The following SCAMP1 variants were observed in gnomAD, a reference collection of about 807,000 sequenced individuals.
SCAMP1 encodes secretory carrier membrane protein 1.
SCAMP1 carries 15 observed loss-of-function variants against 41.8 expected under a neutral mutation model. That is an observed-to-expected ratio of 0.36 (90% CI 0.24 to 0.55). The LOEUF (loss-of-function observed/expected upper bound fraction) is 0.55. SCAMP1 is among the 20% of genes least tolerant of loss of function. The pLI, the probability that SCAMP1 is intolerant of heterozygous loss-of-function variation, is 0.86. For missense variants in SCAMP1, 341 were observed against 412.6 expected, an observed-to-expected ratio of 0.83 and a Z score of 1.50; for synonymous variants, 135 against 136.8, an observed-to-expected ratio of 0.99 and a Z score of 0.09.
In SCAMP1 at chr5:78,418,821, A is replaced by G; in HGVS notation, c.390A>G (p.Gly130=). ...WPPLPSNFPV[G]PCFYQDFSVD... is the part of the protein sequence containing the mutation. ...CTCTTCCTAGCAATTTTCCTGTCGG[A>G]CCTTGTTTCTATCAGGATTTTTCTG... Residue 130 remains glycine, a synonymous_variant, in exon 5 of 9, where the codon GGA becomes GGG. Transcript: ENST00000621999. The G allele has an allele frequency of 6.3e-7, 1 of 1,576,682 alleles. No homozygotes were observed. Among genetic ancestry groups the G allele is most frequent in the East Asian group, 2.3e-5 (1 of 43,536 alleles).
chr5:78,363,293 A>C (rs1750708104), intron 1 of SCAMP1, among the ~76,000 whole-genome samples: 1 of 151,540 alleles, frequency 6.6e-6, no homozygotes, highest in African/African-American at 2.4e-5. Flanking sequence ...GCTCACTGCA[A>C]GCGCTGCCTC....
chr5:78,370,188 A>G (rs538595119), intron 1 of SCAMP1, among the ~76,000 whole-genome samples: 6 of 152,302 alleles, frequency 3.9e-5, no homozygotes, highest in South Asian at 4.1e-4. Context: ...GTAAAGTAAC[A>G]TTTTCTTGCC....
intron 7 of SCAMP1, among the ~76,000 whole-genome samples, chr5:78,457,232 C>A (rs1753434713): frequency 1.3e-5 from 2 of 152,338 alleles, no homozygotes; most frequent in Admixed American, 6.5e-5. Context: ...TGGTGAGGAA[C>A]TGCGTTCCTT....
intron 6 of SCAMP1, among the ~76,000 whole-genome samples, chr5:78,439,310 C>T (rs994783876): frequency 8.0e-5 from 12 of 149,334 alleles, no homozygotes; most frequent in African/African-American, 2.1e-4. Context: ...TTCCTAGCAT[C>T]GATGGCCTTT....
intron 1 of SCAMP1, among the ~76,000 whole-genome samples, chr5:78,370,374 C>T (rs1750913425): frequency 6.6e-6 from 1 of 152,166 alleles, no homozygotes; most frequent in Non-Finnish European, 1.5e-5. Context: ...AACCTTGTAA[C>T]AAGTCTCTGA....
intron 1 of SCAMP1, among the ~76,000 whole-genome samples, chr5:78,387,816 C>T (rs1230152895): frequency 6.6e-6 from 1 of 152,204 alleles, no homozygotes; most frequent in East Asian, 1.9e-4. Flanking sequence ...GATCCATCTT[C>T]AGGTCTGTCA....
intron 2 of SCAMP1, among the ~76,000 whole-genome samples, chr5:78,413,930 C>T (rs188590568): frequency 1.2e-4 from 18 of 151,790 alleles, no homozygotes; most frequent in African/African-American, 4.1e-4. Flanking sequence ...TTTATGACCT[C>T]CCCCTTCCCT....
intron 4 of SCAMP1, among the ~76,000 whole-genome samples, chr5:78,417,104 A>G (rs146848710): frequency 3.6e-4 from 55 of 152,360 alleles, no homozygotes; most frequent in Non-Finnish European, 6.2e-4. Flanking sequence ...TAAGGTATTC[A>G]TATGATGCCA....
chr5:78,369,028 A>G (rs1390985190), intron 1 of SCAMP1, among the ~76,000 whole-genome samples: 1 of 151,922 alleles, frequency 6.6e-6, no homozygotes, highest in Non-Finnish European at 1.5e-5. Context: ...TCAATATTGT[A>G]ATGTCTCAGG....
chr5:78,366,535 T>A (rs1008128246), intron 1 of SCAMP1, among the ~76,000 whole-genome samples: 2 of 152,218 alleles, frequency 1.3e-5, no homozygotes, highest in African/African-American at 4.8e-5. Context: ...CACCTTCTGA[T>A]ACCATCACGT....
chr5:78,390,445 T>A (rs1027226828), intron 2 of SCAMP1, among the ~76,000 whole-genome samples: 12 of 152,158 alleles, frequency 7.9e-5, no homozygotes, highest in African/African-American at 2.9e-4. Flanking sequence ...TATATAAAAA[T>A]GGTGGTTTCA....
Position 78,360,742 on chromosome 5 carries a change from C to T in SCAMP1, c.57+14C>T. On this transcript the variant is annotated intron_variant, in intron 1 of 8. Coordinates refer to ENST00000621999, the MANE Select transcript of SCAMP1 (RefSeq NM_004866.6). ...AATCCCTTCAAGGTGAGCTTCGGCC[C>T]CAGCATCTCCTGCCGCCGCGACGCG... The T allele has an allele frequency of 6.2e-7, 1 of 1,602,558 alleles. No homozygotes were observed. Among genetic ancestry groups the T allele is most frequent in the South Asian group, 1.1e-5 (1 of 88,986 alleles).
At chr5:78,403,454 T>C (rs1193495093) in intron 2 of SCAMP1, among the ~76,000 whole-genome samples, 2 of 150,316 alleles carry the variant, frequency 1.3e-5, no homozygotes, top group Non-Finnish European at 3.0e-5. Context: ...ATTGAATACA[T>C]TGTTGCTGTT....
chr5:78,392,541 A>G (rs1034818179), intron 2 of SCAMP1, among the ~76,000 whole-genome samples: 8 of 152,250 alleles, frequency 5.3e-5, no homozygotes, highest in Admixed American at 3.3e-4. Context: ...AATATAAATC[A>G]TGATTGTAAA....
chr5:78,430,336 T>C (rs986271872), intron 6 of SCAMP1, among the ~76,000 whole-genome samples: 1 of 148,902 alleles, frequency 6.7e-6, no homozygotes, highest in African/African-American at 2.5e-5. Flanking sequence ...CGTGATTATA[T>C]TTTGTTTTTT....
intron 2 of SCAMP1, among the ~76,000 whole-genome samples, chr5:78,401,403 A>C (rs1396742106): frequency 2.0e-5 from 3 of 152,188 alleles, no homozygotes; most frequent in Non-Finnish European, 4.4e-5. Flanking sequence ...GTATGGAATT[A>C]GTAAAATTTC....
At chr5:78,475,480 TC>T in intron 8 of SCAMP1, 23 bp from the exon 9 acceptor site, 1 of 1,532,028 alleles carries the variant, frequency 6.5e-7, no homozygotes. Context: ...ACTTACCTTC[TC>T]CCACTTTTTT....
At chr5:78,386,271 T>C (rs1405843661) in intron 1 of SCAMP1, among the ~76,000 whole-genome samples, 2 of 152,196 alleles carry the variant, frequency 1.3e-5, no homozygotes, top group Admixed American at 6.5e-5. Flanking sequence ...TAAAAATAAC[T>C]ACTCTTGCTT....
At chr5:78,410,103 C>T (rs919720447) in intron 2 of SCAMP1, among the ~76,000 whole-genome samples, 6 of 147,634 alleles carry the variant, frequency 4.1e-5, no homozygotes, top group Admixed American at 6.7e-5. Context: ...CTTAAGGTGC[C>T]GGGAACTCTT....
Sources: gnomAD v4.1 joint callset for allele counts (sites outside exome capture counted in the v4.1 genomes callset) on GRCh38, gnomAD v4.1.1 for gene constraint, MANE v1.5 for transcripts, NCBI Gene and HGNC (gene_info 2026-07-23, HGNC 2026-07-21) for gene names.